Variants in PTPRK observed in about 807,000 individuals in gnomAD.
The protein encoded by PTPRK is receptor-type tyrosine-protein phosphatase kappa.
In PTPRK, 75 loss-of-function variants were observed where a neutral mutation model predicts 178.0. That is an observed-to-expected ratio of 0.42 (90% CI 0.35 to 0.51). The LOEUF (loss-of-function observed/expected upper bound fraction) is 0.51. Ranked by LOEUF, PTPRK falls within the 20% of genes least tolerant of loss-of-function variation. The pLI is 0.02. For missense variants in PTPRK, 1,441 were observed against 1,797.8 expected (o/e 0.80, Z 3.59); for synonymous variants, 637 against 620.6 (o/e 1.03, Z -0.39).
intron 13 of PTPRK, among the ~76,000 whole-genome samples, chr6:128,022,936 T>A (rs1286517050): frequency 2.0e-5 from 3 of 152,230 alleles, no homozygotes; most frequent in African/African-American, 7.2e-5. Context: ...GCCTGCCTCA[T>A]CTCAGCTACT....
chr6:128,464,494 A>T (rs1849486745), intron 1 of PTPRK, among the ~76,000 whole-genome samples: 2 of 151,468 alleles, frequency 1.3e-5, no homozygotes, highest in African/African-American at 4.9e-5. Flanking sequence ...GATCTCTGAA[A>T]TCTGCTGTGC....
intron 7 of PTPRK, among the ~76,000 whole-genome samples, chr6:128,102,330 T>C (rs988364955): frequency 2.2e-4 from 34 of 151,606 alleles, no homozygotes; most frequent in Non-Finnish European, 5.9e-5. Flanking sequence ...GTGATAAAAG[T>C]GAAGGCCCAC....
At chr6:128,340,856 T>C (rs1437341113) in intron 2 of PTPRK, 1 of 430,692 alleles carries the variant, frequency 2.3e-6, no homozygotes. Flanking sequence ...ATTTTTGTTA[T>C]TTTTCTTTAA....
At chr6:128,301,003 T>G (rs569870644) in intron 3 of PTPRK, among the ~76,000 whole-genome samples, 1 of 152,154 alleles carries the variant, frequency 6.6e-6, no homozygotes, top group Admixed American at 6.5e-5. Flanking sequence ...TAGCTGTTCA[T>G]TGTTTGTAAC....
At chr6:128,299,347 T>C (rs1825120442) in intron 3 of PTPRK, among the ~76,000 whole-genome samples, 1 of 151,044 alleles carries the variant, frequency 6.6e-6, no homozygotes, top group East Asian at 1.9e-4. Flanking sequence ...CCAATGACTT[T>C]CTTCACAGAA....
At chr6:128,026,916 C>T (rs1217619535) in intron 13 of PTPRK, among the ~76,000 whole-genome samples, 1 of 152,138 alleles carries the variant, frequency 6.6e-6, no homozygotes, top group Non-Finnish European at 1.5e-5. Context: ...AGGTGTGTGA[C>T]ACAGCCTGTA....
intron 13 of PTPRK, among the ~76,000 whole-genome samples, chr6:128,025,702 A>G (rs893371080): frequency 1.3e-5 from 2 of 152,158 alleles, no homozygotes; most frequent in Non-Finnish European, 2.9e-5. Context: ...GAGGCTCTAG[A>G]AGAGAACTCA....
chr6:128,116,552 C>A (rs1791555551), intron 7 of PTPRK, among the ~76,000 whole-genome samples: 1 of 152,100 alleles, frequency 6.6e-6, no homozygotes, highest in South Asian at 2.1e-4. Context: ...GACAAGAATC[C>A]AAAGCTTGGG....
chr6:127,999,863 T>C (rs1358909989), intron 15 of PTPRK: 5 of 669,408 alleles, frequency 7.5e-6, no homozygotes, highest in Non-Finnish European at 1.8e-6. Context: ...AAAAGTCAAC[T>C]GAATCCCTGA....
At chr6:128,387,845 T>C (rs1838979535) in intron 2 of PTPRK, among the ~76,000 whole-genome samples, 1 of 152,008 alleles carries the variant, frequency 6.6e-6, no homozygotes, top group Non-Finnish European at 1.5e-5. Context: ...AACCTGATGC[T>C]AGGCTGAATA....
intron 7 of PTPRK, among the ~76,000 whole-genome samples, chr6:128,131,783 T>TC (rs922585058): frequency 6.6e-6 from 1 of 152,224 alleles, no homozygotes; most frequent in Non-Finnish European, 1.5e-5. Context: ...GATTGTTTTT[T>TC]CACTGTGTTT....
intron 7 of PTPRK, among the ~76,000 whole-genome samples, chr6:128,164,759 G>A (rs1157583313): frequency 6.6e-6 from 1 of 150,902 alleles, no homozygotes; most frequent in East Asian, 1.9e-4. Flanking sequence ...TTATTGGAGG[G>A]TAGAAGAAAG....
intron 13 of PTPRK, among the ~76,000 whole-genome samples, chr6:128,043,739 C>T (rs1777582798): frequency 1.3e-5 from 2 of 151,706 alleles, no homozygotes; most frequent in Admixed American, 6.6e-5. Context: ...AATGTTATTA[C>T]ACACTATCAT....
chr6:127,987,247 C>G (rs373602131), intron 21 of PTPRK, among the ~76,000 whole-genome samples: 1 of 148,798 alleles, frequency 6.7e-6, no homozygotes, highest in African/African-American at 2.5e-5. Context: ...AAAAACAACC[C>G]CCCCCATTTT....
intron 3 of PTPRK, among the ~76,000 whole-genome samples, chr6:128,310,056 T>C (rs2128315722): frequency 6.6e-6 from 1 of 152,350 alleles, no homozygotes. Flanking sequence ...CTTTCTTTTC[T>C]AAGCTTAGTG....
intron 3 of PTPRK, among the ~76,000 whole-genome samples, chr6:128,286,466 T>C (rs1225424676): frequency 6.6e-6 from 1 of 152,182 alleles, no homozygotes; most frequent in Non-Finnish European, 1.5e-5. Context: ...ATGATTTGTA[T>C]AGGAACTATC....
At chr6:128,186,516 T>A (rs1253682086) in intron 6 of PTPRK, among the ~76,000 whole-genome samples, 4 of 152,152 alleles carry the variant, frequency 2.6e-5, no homozygotes, top group Non-Finnish European at 5.9e-5. Context: ...AACTACAACA[T>A]CCATTCCTGA....
intron 1 of PTPRK, among the ~76,000 whole-genome samples, chr6:128,432,571 A>T (rs1844972858): frequency 6.6e-6 from 1 of 152,222 alleles, no homozygotes; most frequent in Admixed American, 6.5e-5. Context: ...AAATATGCCT[A>T]TGTCCCTGTT....
chr6:128,438,292 G>A (rs530504920), intron 1 of PTPRK, among the ~76,000 whole-genome samples: 77 of 152,340 alleles, frequency 5.1e-4, no homozygotes, highest in Non-Finnish European at 9.6e-4. Context: ...CTTTTGAATG[G>A]ATGCCAACCC....
Sources: gnomAD v4.1 joint callset for allele counts (sites outside exome capture counted in the v4.1 genomes callset) on GRCh38, gnomAD v4.1.1 for gene constraint, MANE v1.5 for transcripts, NCBI Gene and HGNC (gene_info 2026-07-23, HGNC 2026-07-21) for gene names.